Variants in CAMK1D observed in about 807,000 individuals in gnomAD.
The protein encoded by CAMK1D is calcium/calmodulin-dependent protein kinase type 1D.
Under a neutral mutation model 47.7 loss-of-function variants are expected in CAMK1D, and 9 were observed. That is an observed-to-expected ratio of 0.19 (90% CI 0.11 to 0.33). CAMK1D has a LOEUF of 0.33. Among genes scored for constraint, CAMK1D ranks in the 10% least tolerant of loss-of-function variants. The pLI is 1.00. For missense variants in CAMK1D, 291 were observed against 488.7 expected (o/e 0.60, Z 3.81); for synonymous variants, 184 against 184.9 (o/e 0.99, Z 0.04).
At chr10:12,649,561 T>A (rs1422858912) in intron 2 of CAMK1D, among the ~76,000 whole-genome samples, 1 of 152,226 alleles carries the variant, frequency 6.6e-6, no homozygotes, top group Non-Finnish European at 1.5e-5. Flanking sequence ...TCAATGGTAT[T>A]CTAATTCTGG....
intron 3 of CAMK1D, among the ~76,000 whole-genome samples, chr10:12,708,170 C>A (rs978064128): frequency 2.0e-5 from 3 of 152,210 alleles, no homozygotes; most frequent in African/African-American, 7.2e-5. Context: ...ATAGTCCCCC[C>A]AGAGGTTCCA....
chr10:12,456,757 ACT>A (rs1331857036), intron 1 of CAMK1D: 7 of 79,460 alleles, frequency 8.8e-5, no homozygotes, highest in African/African-American at 1.5e-4. Flanking sequence ...ACAGAGTGAG[ACT>A]CTGTCTCAAA....
chr10:12,583,564 A>G (rs1837724099), intron 2 of CAMK1D, among the ~76,000 whole-genome samples: 1 of 149,342 alleles, frequency 6.7e-6, no homozygotes, highest in Non-Finnish European at 1.5e-5. Flanking sequence ...TTCCCCTTTG[A>G]CGTTTCTTTG....
chr10:12,748,093 C>G (rs142309683), intron 3 of CAMK1D, among the ~76,000 whole-genome samples: 1 of 152,308 alleles, frequency 6.6e-6, no homozygotes, highest in Non-Finnish European at 1.5e-5. Flanking sequence ...CGAAGGGATG[C>G]TAAGAAGCCA....
chr10:12,560,209 C>G (rs1836892024), intron 2 of CAMK1D, among the ~76,000 whole-genome samples: 1 of 152,096 alleles, frequency 6.6e-6, no homozygotes, highest in Admixed American at 6.5e-5. Flanking sequence ...AAACCACTGC[C>G]AAGTGCCAGT....
chr10:12,701,235 C>G (rs1833506685), intron 3 of CAMK1D, among the ~76,000 whole-genome samples: 1 of 152,192 alleles, frequency 6.6e-6, no homozygotes, highest in Non-Finnish European at 1.5e-5. Context: ...GCCTCAGTCT[C>G]CCGAGTAGCT....
At position 12,624,991 on chromosome 10, in the gene CAMK1D, C is replaced by G. The variant is rs1489034212; in HGVS notation, c.225-41745C>G. On this transcript the variant is annotated intron_variant, in intron 2 of 10. Transcript: ENST00000619168. ...CTTCTCTTCCTCCTTCTCCTTCCTCCTCTTTCCTCCTCCTCCTCCTCCTCC... is the reference window on the plus strand; with the variant it reads ...CTTCTCTTCCTCCTTCTCCTTCCTCGTCTTTCCTCCTCCTCCTCCTCCTCC... Among the ~76,000 whole-genome samples, 6 of 121,742 alleles carry G rather than the reference C, an allele frequency of 4.9e-5. No homozygotes were observed. The East Asian group carries it at 1.2e-3, about 25-fold the overall frequency. 79.9% of individuals were successfully genotyped at this position (121,742 alleles called of 152,430 possible). A position where few individuals can be genotyped will look rare whatever the true frequency, so the allele number is the denominator to read the frequency against.
At chr10:12,772,008 T>C (rs1837061760) in intron 5 of CAMK1D, among the ~76,000 whole-genome samples, 1 of 150,406 alleles carries the variant, frequency 6.6e-6, no homozygotes, top group South Asian at 2.1e-4. Context: ...CACTCCAGCC[T>C]GGGTGACAAA....
intron 2 of CAMK1D, among the ~76,000 whole-genome samples, chr10:12,596,431 A>AT (rs1309977562): frequency 4.6e-5 from 7 of 152,034 alleles, no homozygotes; most frequent in Non-Finnish European, 5.9e-5. Context: ...GCAGTTTCTG[A>AT]TTGGTTAGGC....
At chr10:12,413,281 A>G (rs1839727267) in intron 1 of CAMK1D, among the ~76,000 whole-genome samples, 1 of 152,090 alleles carries the variant, frequency 6.6e-6, no homozygotes, top group African/African-American at 2.4e-5. Flanking sequence ...AGTGCCACAC[A>G]CTTGCAAGAA....
chr10:12,705,764 A>C (rs1028283990), intron 3 of CAMK1D, among the ~76,000 whole-genome samples: 2 of 152,210 alleles, frequency 1.3e-5, no homozygotes, highest in Non-Finnish European at 2.9e-5. Context: ...GTATCATTGA[A>C]GTATGATGGA....
chr10:12,404,055 T>G (rs756826525), intron 1 of CAMK1D, among the ~76,000 whole-genome samples: 3 of 151,794 alleles, frequency 2.0e-5, no homozygotes, highest in Non-Finnish European at 4.4e-5. Flanking sequence ...CTTTTTCTTT[T>G]TTTTTTTGAG....
intron 1 of CAMK1D, among the ~76,000 whole-genome samples, chr10:12,505,376 T>C (rs1416623117): frequency 1.3e-5 from 2 of 152,220 alleles, no homozygotes; most frequent in Admixed American, 6.5e-5. Context: ...TGGATAGGAA[T>C]ATAGAGACTA....
At chr10:12,817,066 C>G (rs369111186) in intron 8 of CAMK1D, among the ~76,000 whole-genome samples, 10 of 152,030 alleles carry the variant, frequency 6.6e-5, no homozygotes, top group African/African-American at 2.4e-4. Context: ...GAACACTCCT[C>G]TACAAAATCA....
intron 5 of CAMK1D, among the ~76,000 whole-genome samples, chr10:12,773,882 G>A (rs1837154924): frequency 6.6e-6 from 1 of 152,174 alleles, no homozygotes; most frequent in African/African-American, 2.4e-5. Context: ...CTGGGCAATA[G>A]AGTGAGACTC....
intron 3 of CAMK1D, among the ~76,000 whole-genome samples, chr10:12,708,467 G>C (rs552104847): frequency 5.9e-5 from 9 of 152,146 alleles, no homozygotes; most frequent in Non-Finnish European, 1.0e-4. Context: ...ATCCCAGCTG[G>C]ATCTCAATAT....
At chr10:12,581,573 T>C (rs911896985) in intron 2 of CAMK1D, among the ~76,000 whole-genome samples, 2 of 152,210 alleles carry the variant, frequency 1.3e-5, no homozygotes, top group African/African-American at 2.4e-5. Flanking sequence ...TTTTTGATTA[T>C]GGCCATTCTT....
intron 2 of CAMK1D, among the ~76,000 whole-genome samples, chr10:12,596,125 C>A (rs1838140697): frequency 6.6e-6 from 1 of 152,066 alleles, no homozygotes; most frequent in Non-Finnish European, 1.5e-5. Context: ...GAAGGGAAAG[C>A]AGGAAGTGAG....
chr10:12,594,845 C>T (rs780220850), intron 2 of CAMK1D, among the ~76,000 whole-genome samples: 4 of 152,110 alleles, frequency 2.6e-5, no homozygotes, highest in Non-Finnish European at 4.4e-5. Context: ...AAGTGGTTGA[C>T]GTAGGTGGGG....
Sources: gnomAD v4.1 joint callset for allele counts (sites outside exome capture counted in the v4.1 genomes callset) on GRCh38, gnomAD v4.1.1 for gene constraint, MANE v1.5 for transcripts, NCBI Gene and HGNC (gene_info 2026-07-23, HGNC 2026-07-21) for gene names.